APOO: variants seen among roughly 807,000 people sequenced by gnomAD.
APOO encodes MICOS complex subunit MIC26.
Under a neutral mutation model 23.1 loss-of-function variants are expected in APOO, and 11 were observed. The ratio of observed to expected loss-of-function variants is 0.48; its 90% CI spans 0.30 to 0.79. The LOEUF (loss-of-function observed/expected upper bound fraction) is 0.79, where lower values mean the gene tolerates loss of function less well. Ranked by LOEUF, APOO falls within the 30% of genes least tolerant of loss-of-function variation. APOO has a pLI of 0.07. For missense variants in APOO, 160 were observed against 142.7 expected, an observed-to-expected ratio of 1.12 and a Z score of -0.62; for synonymous variants, 59 against 54.8, an observed-to-expected ratio of 1.08 and a Z score of -0.34.
chrX:23,894,580 A>C (rs1926816880), intron 1 of APOO, among the ~76,000 whole-genome samples: 1 of 111,369 alleles, frequency 9.0e-6, no homozygotes, highest in African/African-American at 3.3e-5. Flanking sequence ...AGATCACCTG[A>C]GGTCAGGAGT....
At chrX:23,890,504 T>C (rs765860585) in intron 1 of APOO, among the ~76,000 whole-genome samples, 14 of 112,549 alleles carry the variant, frequency 1.2e-4, no homozygotes, top group African/African-American at 3.9e-4. Context: ...CCTATATGTA[T>C]GTTATACAAA....
intron 7 of APOO, among the ~76,000 whole-genome samples, chrX:23,841,224 G>A (rs938906295): frequency 2.7e-4 from 30 of 110,757 alleles, no homozygotes; most frequent in Non-Finnish European, 5.7e-5. Context: ...GCAGGAGCAC[G>A]TGACTAACCC....
chrX:23,836,436 T>G (rs1397037338), intron 8 of APOO, among the ~76,000 whole-genome samples: 1 of 111,723 alleles, frequency 9.0e-6, no homozygotes, highest in Non-Finnish European at 1.9e-5. Flanking sequence ...TGCCTCGGCC[T>G]CCCGAGTAGC....
chrX:23,868,576 C>T lies in APOO; in HGVS notation c.388+17G>A, dbSNP rs759576077. The T allele has an allele frequency of 3.4e-6, 4 of 1,177,761 alleles. No homozygotes were observed. In the African/African-American group the frequency reaches 5.3e-5, roughly 16 times the overall value. ...TGCTTTATGAGCTGACTGTTAAAGC[C>T]ATAAAATTGCACCTACCTCTAGCCA... is the stretch of plus-strand genomic sequence containing the variant. On this transcript the variant is annotated intron_variant, in intron 5 of 8. Coordinates refer to ENST00000379226, the MANE Select transcript of APOO (RefSeq NM_024122.5).
intron 1 of APOO, among the ~76,000 whole-genome samples, chrX:23,901,616 A>C (rs1290867806): frequency 8.9e-6 from 1 of 112,069 alleles, no homozygotes; most frequent in Non-Finnish European, 1.9e-5. Flanking sequence ...TTTTGAAATA[A>C]AAAATACTTT....
chrX:23,890,058 A>G (rs1926585238), intron 1 of APOO, among the ~76,000 whole-genome samples: 1 of 111,788 alleles, frequency 8.9e-6, no homozygotes, highest in South Asian at 3.6e-4. Context: ...TCCCAAGATA[A>G]GCAAAGTTTT....
intron 8 of APOO, 103 bp downstream of exon 8, chrX:23,840,210 A>T: frequency 2.2e-6 from 1 of 451,108 alleles, no homozygotes; most frequent in Non-Finnish European, 3.5e-6. Context: ...TTTCACATCA[A>T]ATTGAAACTG....
intron 1 of APOO, among the ~76,000 whole-genome samples, chrX:23,887,329 G>T (rs1926417432): frequency 2.0e-5 from 2 of 102,035 alleles, no homozygotes; most frequent in African/African-American, 7.3e-5. Context: ...CGCCTCCTGG[G>T]TTCAAGCCAT....
At chrX:23,887,301 T>G (rs1304925078) in intron 1 of APOO, among the ~76,000 whole-genome samples, 1 of 95,307 alleles carries the variant, frequency 1.0e-5, no homozygotes, top group Non-Finnish European at 2.1e-5. Context: ...TGGCATGATC[T>G]TGGCTCACTG....
At chrX:23,889,371 T>C (rs1216825524) in intron 1 of APOO, among the ~76,000 whole-genome samples, 1 of 111,328 alleles carries the variant, frequency 9.0e-6, no homozygotes, top group Admixed American at 9.7e-5. Flanking sequence ...CCAGTAAAAC[T>C]GCCTTAAAGA....
intron 1 of APOO, among the ~76,000 whole-genome samples, chrX:23,892,724 C>T (rs1232239123): frequency 2.9e-5 from 3 of 103,286 alleles, no homozygotes; most frequent in Non-Finnish European, 5.9e-5. Flanking sequence ...GCCAAGATCG[C>T]GCCACTGCAC....
At chrX:23,858,197 C>T (rs1048075037) in intron 6 of APOO, among the ~76,000 whole-genome samples, 4 of 110,259 alleles carry the variant, frequency 3.6e-5, no homozygotes, top group Admixed American at 9.8e-5. Flanking sequence ...GATTACAGTC[C>T]CCAAAGTCCC....
intron 1 of APOO, among the ~76,000 whole-genome samples, chrX:23,887,229 C>CTTTTTTTTTTTTTTTTT (rs765596270): frequency 3.7e-5 from 2 of 54,210 alleles, no homozygotes; most frequent in Non-Finnish European, 6.3e-5. Flanking sequence ...TTCTTTTTCC[C>CTTTTTTTTTTTTTTTTT]TTTTTTTTTT....
At chrX:23,867,053 T>C (rs1458028045) in intron 5 of APOO, among the ~76,000 whole-genome samples, 1 of 110,701 alleles carries the variant, frequency 9.0e-6, no homozygotes, top group African/African-American at 3.3e-5. Context: ...TGAGCCGAGA[T>C]TGTGCCACTG....
At chrX:23,849,609 A>AAAAAAAAAAAAAAAAAAAG (rs1311653969) in intron 7 of APOO, among the ~76,000 whole-genome samples, 1 of 94,473 alleles carries the variant, frequency 1.1e-5, no homozygotes, top group African/African-American at 4.5e-5. Flanking sequence ...AAAAAAAAAA[A>AAAAAAAAAAAAAAAAAAAG]GTTCGGGCAT....
At chrX:23,897,075 T>C (rs1467856031) in intron 1 of APOO, among the ~76,000 whole-genome samples, 3 of 112,038 alleles carry the variant, frequency 2.7e-5, no homozygotes, top group Non-Finnish European at 5.6e-5. Context: ...TCATCCACTG[T>C]AAACAGACTA....
intron 6 of APOO, among the ~76,000 whole-genome samples, chrX:23,858,018 C>T (rs1924853599): frequency 9.0e-6 from 1 of 111,695 alleles, no homozygotes; most frequent in Admixed American, 9.6e-5. Flanking sequence ...TCAGGTGATG[C>T]TGCTGCTTCT....
chrX:23,841,636 G>A (rs1923987395), intron 7 of APOO, among the ~76,000 whole-genome samples: 1 of 109,437 alleles, frequency 9.1e-6, no homozygotes, highest in African/African-American at 3.3e-5. Context: ...AGGTCTACTT[G>A]ATGCTCTGAA....
At position 23,840,568 on chromosome X, in the gene APOO, G is replaced by T. The variant is rs1601879789; in HGVS notation, c.562-191C>A. 3 of 324,866 alleles carry T rather than the reference G, an allele frequency of 9.2e-6. No individual in the cohort carries two copies. In the East Asian group the frequency reaches 1.5e-4, roughly 16 times the overall value. 26.8% of individuals were successfully genotyped at this position (324,866 alleles called of 1,213,427 possible). On this transcript the variant is annotated intron_variant, in intron 7 of 8. Transcript: ENST00000379226. Reference sequence around the variant, plus strand: ...GACAATGAGATCCCACATTCTCGCAGTTACCGACCATTAAATATTATTTTA... The same window carrying T: ...GACAATGAGATCCCACATTCTCGCATTTACCGACCATTAAATATTATTTTA...
Sources: gnomAD v4.1 joint callset for allele counts (sites outside exome capture counted in the v4.1 genomes callset) on GRCh38, gnomAD v4.1.1 for gene constraint, MANE v1.5 for transcripts, NCBI Gene and HGNC (gene_info 2026-07-23, HGNC 2026-07-21) for gene names.